Variants in CNTNAP5 observed in about 807,000 individuals in gnomAD.
The protein encoded by CNTNAP5 is contactin-associated protein-like 5.
A neutral mutation model predicts 150.2 loss-of-function variants in CNTNAP5; 72 were observed. The observed-to-expected ratio is 0.48, with a 90% CI of 0.40 to 0.58. CNTNAP5 has a LOEUF of 0.58. Ranked by LOEUF, CNTNAP5 falls within the 20% of genes least tolerant of loss-of-function variation. The pLI, the probability that CNTNAP5 is intolerant of heterozygous loss-of-function variation, is 0.00. For missense variants in CNTNAP5, 1,636 were observed against 1,626.2 expected, an observed-to-expected ratio of 1.01 and a Z score of -0.10; for synonymous variants, 672 against 619.8, an observed-to-expected ratio of 1.08 and a Z score of -1.25.
chr2:124,633,822 G>A (rs919324307), intron 12 of CNTNAP5, among the ~76,000 whole-genome samples: 4 of 152,174 alleles, frequency 2.6e-5, no homozygotes, highest in Non-Finnish European at 5.9e-5. Context: ...TGAACCCTCA[G>A]ACTTAACACC....
rs376779576 is a variant in CNTNAP5, at chr2:124,869,428, G to T, written c.3349-247G>T. 2.6e-4 allele frequency among the ~76,000 whole-genome samples: 39 copies of T among 152,212 alleles called. No homozygotes were observed. In the South Asian group the frequency reaches 6.8e-3, roughly 27 times the overall value. Reference sequence around the variant, plus strand: ...GTGGGGAGATAAATACCTATAAAACGCTGTATACAGTTTCCCAGGGAGAAG... The same window carrying T: ...GTGGGGAGATAAATACCTATAAAACTCTGTATACAGTTTCCCAGGGAGAAG... On this transcript the variant is annotated intron_variant, in intron 20 of 23. Transcript: ENST00000682447.
intron 3 of CNTNAP5, among the ~76,000 whole-genome samples, chr2:124,372,966 G>A (rs762652419): frequency 2.0e-5 from 3 of 152,058 alleles, no homozygotes; most frequent in African/African-American, 7.2e-5. Context: ...GCACACTTGA[G>A]GAACTTGACA....
chr2:124,381,041 G>A (rs917832115), intron 3 of CNTNAP5, among the ~76,000 whole-genome samples: 2 of 152,150 alleles, frequency 1.3e-5, no homozygotes, highest in East Asian at 1.9e-4. Context: ...AGAACAGGAC[G>A]CCATGGGTGG....
chr2:124,756,985 T>C (rs550104114), intron 14 of CNTNAP5, among the ~76,000 whole-genome samples: 2 of 152,270 alleles, frequency 1.3e-5, no homozygotes, highest in African/African-American at 4.8e-5. Flanking sequence ...TAAATGCATG[T>C]ATGCAATGAA....
intron 1 of CNTNAP5, among the ~76,000 whole-genome samples, chr2:124,076,401 A>G (rs1682438268): frequency 6.6e-6 from 1 of 152,160 alleles, no homozygotes; most frequent in South Asian, 2.1e-4. Flanking sequence ...ATAGTCTATT[A>G]CGATTATAAT....
At chr2:124,888,439 T>G (rs1232169747) in intron 21 of CNTNAP5, among the ~76,000 whole-genome samples, 1 of 152,116 alleles carries the variant, frequency 6.6e-6, no homozygotes, top group Non-Finnish European at 1.5e-5. Context: ...GTAAAACAAT[T>G]TATTTTCTTT....
chr2:124,215,007 G>C (rs1382553092), intron 1 of CNTNAP5, among the ~76,000 whole-genome samples: 1 of 152,130 alleles, frequency 6.6e-6, no homozygotes, highest in Admixed American at 6.6e-5. Context: ...TCAGATTCAA[G>C]AGTAATATTA....
intron 21 of CNTNAP5, among the ~76,000 whole-genome samples, chr2:124,887,632 T>C (rs910118609): frequency 9.2e-5 from 14 of 152,140 alleles, no homozygotes; most frequent in African/African-American, 3.4e-4. Flanking sequence ...ATGGAGGCAA[T>C]TATAGCTGGG....
At chr2:124,391,432 C>T (rs973531601) in intron 3 of CNTNAP5, among the ~76,000 whole-genome samples, 1 of 152,160 alleles carries the variant, frequency 6.6e-6, no homozygotes, top group Non-Finnish European at 1.5e-5. Context: ...GTTCATATCA[C>T]TTTTTACCTG....
At chr2:124,118,599 G>A (rs1683484654) in intron 1 of CNTNAP5, among the ~76,000 whole-genome samples, 1 of 152,118 alleles carries the variant, frequency 6.6e-6, no homozygotes, top group African/African-American at 2.4e-5. Context: ...TAAGGGTAGT[G>A]GAAGGTCAAG....
At chr2:124,068,189 G>A (rs1253252332) in intron 1 of CNTNAP5, among the ~76,000 whole-genome samples, 2 of 152,052 alleles carry the variant, frequency 1.3e-5, no homozygotes, top group African/African-American at 2.4e-5. Flanking sequence ...AGGCATTGAA[G>A]AGACTAGGAG....
intron 21 of CNTNAP5, among the ~76,000 whole-genome samples, chr2:124,872,440 T>G (rs1677771618): frequency 6.6e-6 from 1 of 150,528 alleles, no homozygotes; most frequent in African/African-American, 2.4e-5. Context: ...TTGTTCATAT[T>G]GATTACAATT....
At chr2:124,602,225 C>T (rs1308688172) in intron 11 of CNTNAP5, among the ~76,000 whole-genome samples, 1 of 151,170 alleles carries the variant, frequency 6.6e-6, no homozygotes, top group African/African-American at 2.4e-5. Context: ...GCCTGTAATC[C>T]CAGCTACTCG....
intron 17 of CNTNAP5, among the ~76,000 whole-genome samples, chr2:124,778,830 A>G (rs966869494): frequency 6.6e-6 from 1 of 150,790 alleles, no homozygotes; most frequent in African/African-American, 2.5e-5. Flanking sequence ...TGTAACAAAT[A>G]GAGACAAGTT....
chr2:124,408,427 G>C (rs1237935948), intron 3 of CNTNAP5, among the ~76,000 whole-genome samples: 1 of 152,148 alleles, frequency 6.6e-6, no homozygotes, highest in Non-Finnish European at 1.5e-5. Flanking sequence ...CACCTCTGGG[G>C]GCAGGGCACA....
At chr2:124,229,726 G>T (rs556364957) in intron 2 of CNTNAP5, among the ~76,000 whole-genome samples, 4 of 152,106 alleles carry the variant, frequency 2.6e-5, no homozygotes, top group African/African-American at 7.2e-5. Context: ...CTTACTGTCC[G>T]CAGGAAGTGC....
Position 124,271,658 on chromosome 2 carries a change from AATCTATCTATCTATCT to A in CNTNAP5, c.381+29293_381+29308del, listed in dbSNP as rs147548369. On this transcript the variant is annotated intron_variant, in intron 3 of 23. Coordinates refer to ENST00000682447, the MANE Select transcript of CNTNAP5 (RefSeq NM_001367498.1). ...AATTTCCTTCATTTAGTTTTTTTTT[AATCTATCTATCTATCT>A]ATCTATCTATCTATCTATCTATCTA... 9.9e-5 allele frequency among the ~76,000 whole-genome samples: 14 copies of A among 141,426 alleles called. No homozygotes were observed. In the East Asian group the frequency reaches 1.7e-3, roughly 17 times the overall value. 92.8% of individuals were successfully genotyped at this position (141,426 alleles called of 152,430 possible). A position where few individuals can be genotyped will look rare whatever the true frequency, so the allele number is the denominator to read the frequency against.
At position 124,626,677 on chromosome 2, in the gene CNTNAP5, G is replaced by A. The variant is rs13421019; in HGVS notation, c.1876+16757G>A. On this transcript the variant is annotated intron_variant, in intron 12 of 23. Transcript: ENST00000682447. The stretch of plus-strand genomic sequence containing the variant: ...AGCTGCAAGAGTTTTTACATACATC[G>A]GGGGTGCCTTGAGCTCCAGTAAGAC... Among the ~76,000 whole-genome samples the A allele has an allele frequency of 1.6e-3, 244 of 152,192 alleles. 1 individual carries two copies. Among genetic ancestry groups the A allele is most frequent in the African/African-American group, 5.7e-3 (237 of 41,544 alleles).
intron 11 of CNTNAP5, among the ~76,000 whole-genome samples, chr2:124,580,054 C>G (rs1037347366): frequency 6.6e-6 from 1 of 152,116 alleles, no homozygotes; most frequent in Non-Finnish European, 1.5e-5. Flanking sequence ...AAGGAGGCAC[C>G]CTCTACTCTA....
Sources: gnomAD v4.1 joint callset for allele counts (sites outside exome capture counted in the v4.1 genomes callset) on GRCh38, gnomAD v4.1.1 for gene constraint, MANE v1.5 for transcripts, NCBI Gene and HGNC (gene_info 2026-07-23, HGNC 2026-07-21) for gene names.